The following PSG3 variants were observed in gnomAD, a reference collection of about 807,000 sequenced individuals.
PSG3 encodes pregnancy-specific beta-1-glycoprotein 3.
PSG3 carries 61 observed loss-of-function variants against 47.5 expected under a neutral mutation model. The observed-to-expected ratio is 1.28, with a 90% CI of 1.05 to 1.59. The LOEUF (loss-of-function observed/expected upper bound fraction) is 1.59, where lower values mean the gene tolerates loss of function less well. Among genes scored for constraint, PSG3 ranks in the 40% most tolerant of loss-of-function variants. The pLI, the probability that PSG3 is intolerant of heterozygous loss-of-function variation, is 0.00. For missense variants in PSG3, 756 were observed against 524.0 expected, an observed-to-expected ratio of 1.44 and a Z score of -4.32; for synonymous variants, 263 against 198.4, an observed-to-expected ratio of 1.33 and a Z score of -2.74.
intron 5 of PSG3, among the ~76,000 whole-genome samples, chr19:42,726,704 C>T (rs917762278): frequency 5.9e-5 from 9 of 152,234 alleles, no homozygotes; most frequent in Non-Finnish European, 1.2e-4. Flanking sequence ...GTTAGGAGGA[C>T]AGTGCTACCT....
intron 6 of PSG3, among the ~76,000 whole-genome samples, chr19:42,723,425 G>A (rs1403285260): frequency 2.0e-5 from 3 of 152,154 alleles, no homozygotes; most frequent in African/African-American, 7.2e-5. Context: ...AGGAAGTAGC[G>A]GTAAAGGAAG....
rs746684780 is a variant in PSG3, at chr19:42,732,970, C to A, written c.523G>T (p.Asp175Tyr). 1 of 1,614,142 alleles carries A rather than the reference C, an allele frequency of 6.2e-7. No homozygotes were observed. The highest frequency in any genetic ancestry group is 8.5e-7 in the Non-Finnish European group (1 of 1,180,032). The change falls in exon 3 of 7, where the codon GAC becomes TAC. Residue 175 changes from aspartate to tyrosine, a missense_variant. By Grantham distance (160) the Asp-to-Tyr change is radical. Coordinates refer to ENST00000327495, the MANE Select transcript of PSG3 (RefSeq NM_021016.4). ...TTCATCCACCACAGGTAGCTTGCGTCCGGAGTCTCAGGATCACAGGTTAAG... is the reference window on the plus strand; with the variant it reads ...TTCATCCACCACAGGTAGCTTGCGTACGGAGTCTCAGGATCACAGGTTAAG... ...VSLTCDPETP[D>Y]ASYLWWMNGQ...
Position 42,723,825 on chromosome 19 carries a change from G to T in PSG3, c.*40+117C>A, listed in dbSNP as rs987380163. On this transcript the variant is annotated intron_variant, in intron 6 of 6. Transcript: ENST00000327495. The stretch of plus-strand genomic sequence containing the variant: ...TGCAGGAATTAGTGCTGAGAAGCAG[G>T]AGTTAGTGGAGGAAGGAGGAGATCC... 6.3e-6 allele frequency: 5 copies of T among 791,056 alleles called. No homozygotes were observed. In the South Asian group the frequency reaches 8.0e-5, roughly 13 times the overall value. 49.0% of individuals were successfully genotyped at this position (791,056 alleles called of 1,614,324 possible).
chr19:42,721,959 A>G lies in PSG3; in HGVS notation c.*172T>C. 2.4e-6 allele frequency: 1 copy of G among 416,158 alleles called. No homozygotes were observed. Among genetic ancestry groups the G allele is most frequent in the Non-Finnish European group, 4.4e-6 (1 of 226,780 alleles). 25.8% of individuals were successfully genotyped at this position (416,158 alleles called of 1,614,324 possible). A position where few individuals can be genotyped will look rare whatever the true frequency, so the allele number is the denominator to read the frequency against. On this transcript the variant is annotated 3_prime_UTR_variant, in exon 7 of 7. Transcript: ENST00000327495. ...TTTTGAAAGTTCTTAGTCCAGTGGT[A>G]TGATCTTGAAGTTATCAGGAACTTG... is the stretch of plus-strand genomic sequence containing the variant.
At chr19:42,737,616 A>C (rs1969587791) in intron 2 of PSG3, among the ~76,000 whole-genome samples, 1 of 151,736 alleles carries the variant, frequency 6.6e-6, no homozygotes, top group Non-Finnish European at 1.5e-5. Context: ...GTTTGCTCTC[A>C]CTCCTCTGAG....
intron 3 of PSG3, among the ~76,000 whole-genome samples, chr19:42,731,088 G>C (rs1399902271): frequency 6.6e-6 from 1 of 152,206 alleles, no homozygotes; most frequent in Non-Finnish European, 1.5e-5. Flanking sequence ...GAGACTGCTG[G>C]TTGCCAGGAG....
chr19:42,733,890 G>T (rs1295495782), intron 2 of PSG3, among the ~76,000 whole-genome samples: 1 of 152,212 alleles, frequency 6.6e-6, no homozygotes, highest in Non-Finnish European at 1.5e-5. Flanking sequence ...GAACCGACTG[G>T]TGGAAAGGGC....
chr19:42,738,786 T>C lies in PSG3; in HGVS notation c.368A>G (p.His123Arg), dbSNP rs755878910. Reference protein sequence around the residue: ...TREDAGSYTLHIVKRGDGTRG... With the variant: ...TREDAGSYTLRIVKRGDGTRG... ...AGTCCCATCACCTCGCTTTACGATG[T>C]GTAAGGTGTAGGATCCTGCGTCCTC... The change falls in exon 2 of 7, where the codon CAC becomes CGC. Residue 123 changes from histidine to arginine, a missense_variant. Coordinates refer to ENST00000327495, the MANE Select transcript of PSG3 (RefSeq NM_021016.4). 273 of 1,613,956 alleles carry C rather than the reference T, an allele frequency of 1.7e-4. No homozygotes were observed. Among genetic ancestry groups the C allele is most frequent in the Non-Finnish European group, 2.1e-4 (249 of 1,179,986 alleles).
At chr19:42,738,018 C>G (rs1306284653) in intron 2 of PSG3, among the ~76,000 whole-genome samples, 1 of 152,224 alleles carries the variant, frequency 6.6e-6, no homozygotes. Context: ...CCTGGTATAT[C>G]TTCTCTCCTC....
intron 2 of PSG3, among the ~76,000 whole-genome samples, chr19:42,736,873 C>T (rs2122195044): frequency 6.6e-6 from 1 of 152,222 alleles, no homozygotes; most frequent in East Asian, 1.9e-4. Context: ...TGCACCTTTC[C>T]TATTTCCTGG....
intron 5 of PSG3, among the ~76,000 whole-genome samples, chr19:42,727,554 T>A (rs143407868): frequency 0.016 from 2,472 of 152,174 alleles, 33 homozygotes; most frequent in African/African-American, 0.028. Context: ...CAAAACCACA[T>A]TGTTACACCA....
At chr19:42,734,912 A>C (rs1011641739) in intron 2 of PSG3, among the ~76,000 whole-genome samples, 27 of 152,228 alleles carry the variant, frequency 1.8e-4, no homozygotes, top group Non-Finnish European at 3.4e-4. Context: ...TTTTCTCTTA[A>C]GCTCAGGAAA....
intron 2 of PSG3, among the ~76,000 whole-genome samples, chr19:42,736,474 T>G (rs1423584630): frequency 3.3e-5 from 5 of 152,288 alleles, no homozygotes; most frequent in Admixed American, 2.0e-4. Flanking sequence ...CCTGTGCCCC[T>G]GAAACTATCC....
At chr19:42,730,101 A>G (rs1182109020) in intron 3 of PSG3, 45 bp from the exon 4 acceptor site, 18 of 1,602,134 alleles carry the variant, frequency 1.1e-5, no homozygotes, top group Non-Finnish European at 1.5e-5. Flanking sequence ...GGCACCTTTG[A>G]TTCCTCCACT....
chr19:42,738,098 G>T (rs1969596747), intron 2 of PSG3, among the ~76,000 whole-genome samples: 1 of 152,164 alleles, frequency 6.6e-6, no homozygotes, highest in Non-Finnish European at 1.5e-5. Context: ...TTGTCTGATG[G>T]CCTACAAAGC....
chr19:42,725,050 C>T (rs1372257439), intron 5 of PSG3, among the ~76,000 whole-genome samples: 2 of 152,050 alleles, frequency 1.3e-5, no homozygotes, highest in Non-Finnish European at 2.9e-5. Flanking sequence ...TAAAACTTTC[C>T]TGGTGTCATA....
intron 5 of PSG3, among the ~76,000 whole-genome samples, chr19:42,727,479 A>G (rs1175188929): frequency 2.0e-5 from 3 of 152,258 alleles, no homozygotes; most frequent in Non-Finnish European, 4.4e-5. Context: ...CAAGGAAGAT[A>G]TACAAATATC....
chr19:42,726,375 C>T (rs1969378336), intron 5 of PSG3, among the ~76,000 whole-genome samples: 1 of 152,110 alleles, frequency 6.6e-6, no homozygotes, highest in Admixed American at 6.5e-5. Context: ...ATAACTTGAA[C>T]TTATATGTAG....
At chr19:42,722,921 T>G (rs1030575597) in intron 6 of PSG3, among the ~76,000 whole-genome samples, 2 of 152,218 alleles carry the variant, frequency 1.3e-5, no homozygotes, top group African/African-American at 4.8e-5. Flanking sequence ...CTCCAGACCT[T>G]TAAACTGGAA....
Sources: allele counts gnomAD v4.1 joint callset (sites outside exome capture counted in the v4.1 genomes callset), GRCh38; gene constraint gnomAD v4.1.1; transcripts MANE v1.5; gene names NCBI Gene and HGNC (gene_info 2026-07-23, HGNC 2026-07-21).